Variants in CRISP2 observed in about 807,000 individuals in gnomAD.
CRISP2 encodes the protein cysteine rich secretory protein 2, also known as cysteine-rich secretory protein 2.
Under a neutral mutation model 31.7 loss-of-function variants are expected in CRISP2, and 29 were observed. That is an observed-to-expected ratio of 0.92 (90% CI 0.68 to 1.25). The LOEUF (loss-of-function observed/expected upper bound fraction) is 1.25, where lower values mean the gene tolerates loss of function less well. Ranked by LOEUF, CRISP2 falls within the 50% of genes most tolerant of loss-of-function variation. The pLI, the probability that CRISP2 is intolerant of heterozygous loss-of-function variation, is 0.00. For missense variants in CRISP2, 318 were observed against 286.5 expected (o/e 1.11, Z -0.79); for synonymous variants, 111 against 101.4 (o/e 1.09, Z -0.57).
rs752174511 is a variant in CRISP2, at chr6:49,694,747, T to TTC, written c.604+1088_604+1089insGA. 4.9e-3 allele frequency among the ~76,000 whole-genome samples: 747 copies of TTC among 151,548 alleles called. 8 individuals carry two copies. Among genetic ancestry groups the TTC allele is most frequent in the African/African-American group, 0.017 (722 of 41,370 alleles). ...GTATTCAACTATTTTTTTCTTTTTT[T>TTC]TTTTTTTGAGACAGTCTCGCTCTGT... is the stretch of plus-strand genomic sequence containing the variant. On this transcript the variant is annotated intron_variant, in intron 9 of 9. Transcript: ENST00000339139.
intron 8 of CRISP2, 114 bp downstream of exon 8, chr6:49,697,746 T>C: frequency 6.3e-7 from 1 of 1,577,734 alleles, no homozygotes; most frequent in East Asian, 2.3e-5. Flanking sequence ...TTCCAAACGT[T>C]TATCCCCTCC....
the CRISP2 span, among the ~76,000 whole-genome samples, chr6:49,686,066 A>G: frequency 1.3e-5 from 2 of 152,202 alleles, no homozygotes; most frequent in Non-Finnish European, 2.9e-5. Flanking sequence ...TTTTGCAAAA[A>G]TGTGAAGCCA....
At chr6:49,698,167 A>C (rs763837586) in intron 7 of CRISP2, among the ~76,000 whole-genome samples, 195 bp downstream of exon 7, 10 of 152,182 alleles carry the variant, frequency 6.6e-5, no homozygotes, top group Non-Finnish European at 1.5e-4. Context: ...TAGGAACAAT[A>C]CAGAGTCTGC....
chr6:49,691,948 T>C (rs909066555), downstream of CRISP2, among the ~76,000 whole-genome samples: 5 of 152,102 alleles, frequency 3.3e-5, no homozygotes, highest in Non-Finnish European at 7.4e-5. Flanking sequence ...AAAGTTTTAG[T>C]ATATGTTTTC....
chr6:49,684,759 C>T, the CRISP2 span, among the ~76,000 whole-genome samples: 3 of 152,160 alleles, frequency 2.0e-5, no homozygotes, highest in Non-Finnish European at 2.9e-5. Flanking sequence ...AGATCATTCT[C>T]ATTGTTTTTA....
At chr6:49,702,319 G>A (rs1295726248) in intron 4 of CRISP2, among the ~76,000 whole-genome samples, 1 of 150,606 alleles carries the variant, frequency 6.6e-6, no homozygotes, top group South Asian at 2.1e-4. Flanking sequence ...CCTCTGAGTA[G>A]ATACTCAGTA....
At chr6:49,708,371 T>C (rs895025322) in intron 4 of CRISP2, among the ~76,000 whole-genome samples, 24 of 152,234 alleles carry the variant, frequency 1.6e-4, no homozygotes, top group Admixed American at 1.4e-3. Flanking sequence ...ACTGTGAATG[T>C]GTTCTTATTT....
rs1319557277 is a variant in CRISP2 at position 49,705,744 on chromosome 6, C to G, written c.66+3387G>C. Among the ~76,000 whole-genome samples the G allele has an allele frequency of 2.0e-5, 3 of 152,246 alleles. 1 individual carries two copies. The highest frequency in any genetic ancestry group is 6.8e-3 in the Middle Eastern group (2 of 294). On this transcript the variant is annotated intron_variant, in intron 4 of 9. Coordinates refer to ENST00000339139, the MANE Select transcript of CRISP2 (RefSeq NM_003296.4). The stretch of plus-strand genomic sequence containing the variant: ...CTGCTTCTTCTTCTTTTTTATTTTG[C>G]ATGGCTCTCTAAATTCATTTCAGCC...
intron 2 of CRISP2, among the ~76,000 whole-genome samples, chr6:49,711,831 T>C (rs907407877): frequency 6.6e-6 from 1 of 152,214 alleles, no homozygotes; most frequent in Non-Finnish European, 1.5e-5. Context: ...TAGATTTTTA[T>C]ATCACAGGTT....
At chr6:49,695,664 G>A (rs1764610750) in intron 9 of CRISP2, among the ~76,000 whole-genome samples, 172 bp downstream of exon 9, 1 of 152,120 alleles carries the variant, frequency 6.6e-6, no homozygotes, top group Non-Finnish European at 1.5e-5. Context: ...ATAATATGTA[G>A]CTCCTGCAGT....
At chr6:49,691,585 ATCTC>A (rs1169653310), downstream of CRISP2, among the ~76,000 whole-genome samples, 6 of 151,558 alleles carry the variant, frequency 4.0e-5, no homozygotes, top group African/African-American at 4.8e-5. Context: ...ATAGCGATAG[ATCTC>A]TCTCTATATA....
At chr6:49,709,803 T>C (rs375573322) in intron 3 of CRISP2, among the ~76,000 whole-genome samples, 1 of 152,210 alleles carries the variant, frequency 6.6e-6, no homozygotes, top group East Asian at 1.9e-4. Flanking sequence ...TTTCTCTGTA[T>C]ACAAAAAATA....
At chr6:49,686,613 AAC>A in the CRISP2 span, among the ~76,000 whole-genome samples, 2 of 152,212 alleles carry the variant, frequency 1.3e-5, no homozygotes, top group African/African-American at 4.8e-5. Flanking sequence ...TGGGACTGTA[AAC>A]TAGTTCGACC....
At chr6:49,687,647 G>T (rs1186432041), downstream of CRISP2, among the ~76,000 whole-genome samples, 1 of 152,200 alleles carries the variant, frequency 6.6e-6, no homozygotes, top group Non-Finnish European at 1.5e-5. Flanking sequence ...GGGTCAGAGG[G>T]TTAATCTGTT....
downstream of CRISP2, among the ~76,000 whole-genome samples, chr6:49,691,357 G>A (rs528449833): frequency 2.6e-5 from 4 of 151,902 alleles, no homozygotes; most frequent in Admixed American, 6.6e-5. Context: ...ATGAAGAAAC[G>A]CTCATCTTGT....
intron 9 of CRISP2, among the ~76,000 whole-genome samples, chr6:49,694,740 CTTT>C (rs61258519): frequency 7.0e-6 from 1 of 141,890 alleles, no homozygotes. Flanking sequence ...CTATTTTTTT[CTTT>C]TTTTTTTTTT....
chr6:49,701,689 A>ATATGTATACATTATG (rs1274663309), intron 4 of CRISP2, among the ~76,000 whole-genome samples: 2 of 102,886 alleles, frequency 1.9e-5, no homozygotes, highest in Admixed American at 9.9e-5. Flanking sequence ...TATACATTAT[A>ATATGTATACATTATG]TATGTATACA....
In CRISP2 at chr6:49,699,810, T is replaced by A. The variant is rs1206676669; in HGVS notation, c.265A>T (p.Lys89Ter). 6.2e-7 allele frequency: 1 copy of A among 1,608,928 alleles called. No individual in the cohort carries two copies. Among genetic ancestry groups the A allele is most frequent in the Admixed American group, 1.7e-5 (1 of 59,832 alleles). ...TLQHSDPEDR[K>*]TSTRCGENLY... ...TATTTACTAATTTACATACTGGTTT[T>A]GCGGTCCTCTGGATCACTATGTTGT... Residue 89 changes from lysine to a stop codon, truncating the protein, a stop_gained, in exon 6 of 10, where the codon AAA becomes TAA. Coordinates refer to ENST00000339139, the MANE Select transcript of CRISP2 (RefSeq NM_003296.4). LOFTEE classifies it high-confidence loss of function.
chr6:49,682,639 CTTTCTT>C, the CRISP2 span, among the ~76,000 whole-genome samples: 209 of 67,316 alleles, frequency 3.1e-3, 4 homozygotes, highest in African/African-American at 0.016. Flanking sequence ...TTCTTTCTTT[CTTTCTT>C]CTTTCTTTCT....
Sources: allele counts gnomAD v4.1 joint callset (sites outside exome capture counted in the v4.1 genomes callset), GRCh38; gene constraint gnomAD v4.1.1; transcripts MANE v1.5; gene names NCBI Gene and HGNC (gene_info 2026-07-23, HGNC 2026-07-21).